PDE4D: variants seen among roughly 807,000 people sequenced by gnomAD.
PDE4D encodes 3',5'-cyclic-AMP phosphodiesterase 4D.
In PDE4D, 24 loss-of-function variants were observed where a neutral mutation model predicts 87.4. The ratio of observed to expected loss-of-function variants is 0.27; its 90% CI spans 0.20 to 0.39. PDE4D has a LOEUF of 0.39. Among genes scored for constraint, PDE4D ranks in the 10% least tolerant of loss-of-function variants. The probability of loss-of-function intolerance (pLI) is 1.00; values close to 1 mark genes in which losing one functional copy is unlikely to be tolerated. For synonymous variants in PDE4D, 384 were observed against 383.2 expected (o/e 1.00, Z -0.02); for missense variants, 714 against 1,041.0 (o/e 0.69, Z 4.32).
At chr5:59,891,780 G>T (rs1750988071) in intron 1 of PDE4D, among the ~76,000 whole-genome samples, 1 of 88,048 alleles carries the variant, frequency 1.1e-5, no homozygotes, top group South Asian at 3.2e-4. Context: ...ACAACAGAGA[G>T]ACATGCTCAC....
chr5:60,039,240 T>C (rs1330805157), intron 2 of PDE4D, among the ~76,000 whole-genome samples: 3 of 152,198 alleles, frequency 2.0e-5, no homozygotes, highest in Non-Finnish European at 4.4e-5. Flanking sequence ...ATATACACCA[T>C]GCAATACTAT....
intron 1 of PDE4D, among the ~76,000 whole-genome samples, chr5:59,813,898 A>G (rs953399791): frequency 1.3e-5 from 2 of 152,154 alleles, no homozygotes; most frequent in African/African-American, 4.8e-5. Flanking sequence ...TCTAAGGCAC[A>G]GCTGAAATAC....
chr5:59,623,764 A>G lies in PDE4D; in HGVS notation c.455+269404T>C, dbSNP rs148532103. Among the ~76,000 whole-genome samples, 483 of 152,288 alleles carry G rather than the reference A, an allele frequency of 3.2e-3. 3 individuals are homozygous for G. The highest frequency in any genetic ancestry group is 0.01 in the African/African-American group (423 of 41,554). On this transcript the variant is annotated intron_variant, in intron 1 of 14. Transcript: ENST00000340635. ...ATGTTCAATGAATCGTGCTATTTAC[A>G]TTTAAGGAGGGTTCAATGTTTCTCT...
chr5:58,999,508 A>G (rs761127506), intron 6 of PDE4D: 1 of 1,534,062 alleles, frequency 6.5e-7, no homozygotes, highest in Admixed American at 1.7e-5. Flanking sequence ...GCCCCAAGAC[A>G]CTGACAGTAA....
intron 1 of PDE4D, among the ~76,000 whole-genome samples, chr5:60,334,049 T>G (rs1249634101): frequency 6.6e-6 from 1 of 152,200 alleles, no homozygotes; most frequent in African/African-American, 2.4e-5. Context: ...AACACACAGC[T>G]TTGCTGCCAT....
chr5:59,432,738 T>A (rs1796286296), intron 1 of PDE4D, among the ~76,000 whole-genome samples: 1 of 152,096 alleles, frequency 6.6e-6, no homozygotes, highest in Non-Finnish European at 1.5e-5. Context: ...TGAACTGAAA[T>A]ATATATTGGG....
chr5:60,185,901 T>C (rs1784738022), intron 1 of PDE4D, among the ~76,000 whole-genome samples: 2 of 150,136 alleles, frequency 1.3e-5, no homozygotes, highest in Admixed American at 1.3e-4. Context: ...CCATCTGTTT[T>C]CCATTAAATA....
chr5:59,696,462 T>C (rs1056847375), intron 1 of PDE4D, among the ~76,000 whole-genome samples: 1 of 152,002 alleles, frequency 6.6e-6, no homozygotes, highest in African/African-American at 2.4e-5. Flanking sequence ...TTATACAGCA[T>C]GAAAAAAAGT....
intron 1 of PDE4D, among the ~76,000 whole-genome samples, chr5:59,667,653 T>C (rs1165528207): frequency 6.6e-6 from 1 of 152,166 alleles, no homozygotes; most frequent in Non-Finnish European, 1.5e-5. Context: ...TCACTCTTTT[T>C]CAAGCGCCAT....
At chr5:60,203,231 A>G (rs1742139030) in intron 1 of PDE4D, among the ~76,000 whole-genome samples, 1 of 152,186 alleles carries the variant, frequency 6.6e-6, no homozygotes, top group Non-Finnish European at 1.5e-5. Context: ...TCCACCTCCC[A>G]AAGTGCAGGG....
intron 1 of PDE4D, among the ~76,000 whole-genome samples, chr5:59,788,519 A>G (rs1765419982): frequency 6.6e-6 from 1 of 152,254 alleles, no homozygotes; most frequent in African/African-American, 2.4e-5. Flanking sequence ...AAAGTGAGAA[A>G]TTTTAACATC....
At chr5:59,938,966 A>C (rs1756899088) in intron 3 of PDE4D, among the ~76,000 whole-genome samples, 2 of 152,224 alleles carry the variant, frequency 1.3e-5, no homozygotes, top group Non-Finnish European at 2.9e-5. Flanking sequence ...CCATGAGACT[A>C]GTTATGGCCA....
intron 5 of PDE4D, among the ~76,000 whole-genome samples, chr5:59,163,280 T>C (rs1781425921): frequency 6.7e-6 from 1 of 149,934 alleles, no homozygotes; most frequent in African/African-American, 2.5e-5. Context: ...ACAATCTTTT[T>C]TTTTTTTTTT....
intron 1 of PDE4D, among the ~76,000 whole-genome samples, chr5:59,451,808 A>G (rs1562213576): frequency 1.3e-5 from 2 of 152,202 alleles, no homozygotes; most frequent in Non-Finnish European, 2.9e-5. Flanking sequence ...CACTGACTTT[A>G]AAAAACACAA....
At chr5:59,760,466 C>G (rs975348798) in intron 1 of PDE4D, among the ~76,000 whole-genome samples, 3 of 152,084 alleles carry the variant, frequency 2.0e-5, no homozygotes, top group African/African-American at 7.2e-5. Context: ...TGAGTATTAC[C>G]TAGTCACCAT....
intron 1 of PDE4D, among the ~76,000 whole-genome samples, chr5:60,434,911 G>A (rs1455405729): frequency 6.6e-6 from 1 of 152,110 alleles, no homozygotes; most frequent in African/African-American, 2.4e-5. Flanking sequence ...ATGAAAAAGG[G>A]AGTTAGAGAT....
chr5:60,412,130 T>C (rs1333606002), intron 1 of PDE4D, among the ~76,000 whole-genome samples: 1 of 152,148 alleles, frequency 6.6e-6, no homozygotes, highest in Non-Finnish European at 1.5e-5. Context: ...TGGGTTCATC[T>C]GTACATTCAG....
chr5:60,279,722 T>A (rs1324462763), intron 1 of PDE4D, among the ~76,000 whole-genome samples: 1 of 149,734 alleles, frequency 6.7e-6, no homozygotes. Flanking sequence ...TCTCACACTA[T>A]CCCCTGGGCT....
At position 59,645,668 on chromosome 5, in the gene PDE4D, C is replaced by T. The variant is rs147676351; in HGVS notation, c.455+247500G>A. The stretch of plus-strand genomic sequence containing the variant: ...CAGAGATCACTCCAAAATCAATGTG[C>T]CCAGAGCTTCAGGCACCACAAGTCT... On this transcript the variant is annotated intron_variant, in intron 1 of 14. Transcript: ENST00000340635. 5.3e-4 allele frequency among the ~76,000 whole-genome samples: 80 copies of T among 152,196 alleles called. 1 individual carries two copies. Among genetic ancestry groups the T allele is most frequent in the African/African-American group, 1.8e-3 (76 of 41,512 alleles).
Sources: allele counts gnomAD v4.1 joint callset (sites outside exome capture counted in the v4.1 genomes callset), GRCh38; gene constraint gnomAD v4.1.1; transcripts MANE v1.5; gene names NCBI Gene and HGNC (gene_info 2026-07-23, HGNC 2026-07-21).